TMEM184C: variants seen among roughly 807,000 people sequenced by gnomAD.
TMEM184C encodes the protein transmembrane protein 184C.
In TMEM184C, 25 loss-of-function variants were observed where a neutral mutation model predicts 54.5. The observed-to-expected ratio is 0.46, with a 90% CI of 0.33 to 0.64. The LOEUF is 0.64. Ranked by LOEUF, TMEM184C falls within the 30% of genes least tolerant of loss-of-function variation. The pLI is 0.02. For missense variants in TMEM184C, 335 were observed against 520.3 expected (o/e 0.64, Z 3.46); for synonymous variants, 148 against 181.5 (o/e 0.82, Z 1.49).
At chr4:147,631,297 A>C in intron 6 of TMEM184C, 96 bp from the exon 7 acceptor site, 1 of 905,516 alleles carries the variant, frequency 1.1e-6, no homozygotes, top group Admixed American at 2.9e-5. Context: ...AGTTTGCCTG[A>C]AACATTACTC....
At chr4:147,619,587 A>G (rs1356499354) in intron 1 of TMEM184C, among the ~76,000 whole-genome samples, 1 of 152,228 alleles carries the variant, frequency 6.6e-6, no homozygotes, top group Non-Finnish European at 1.5e-5. Context: ...ATTTGTCTAC[A>G]AAAACTTAGG....
In TMEM184C at chr4:147,634,592, T is replaced by C. The variant is rs749323989; in HGVS notation, c.*158T>C. On this transcript the variant is annotated 3_prime_UTR_variant, in exon 10 of 10. Coordinates refer to ENST00000296582, the MANE Select transcript of TMEM184C (RefSeq NM_018241.3). ...ACTGCATTTATATATGTAAGTTTTG[T>C]ATATCAAAAATAATTGGTCTAAATT... is the stretch of plus-strand genomic sequence containing the variant. The C allele has an allele frequency of 3.7e-5, 28 of 766,568 alleles. No individual in the cohort carries two copies. The highest frequency in any genetic ancestry group is 2.8e-4 in the Admixed American group (9 of 31,852). 47.5% of individuals were successfully genotyped at this position (766,568 alleles called of 1,614,324 possible). A position where few individuals can be genotyped will look rare whatever the true frequency, so the allele number is the denominator to read the frequency against.
intron 6 of TMEM184C, among the ~76,000 whole-genome samples, chr4:147,630,809 C>A (rs1732902783): frequency 6.6e-6 from 1 of 152,012 alleles, no homozygotes; most frequent in Non-Finnish European, 1.5e-5. Flanking sequence ...GAATAGTGAA[C>A]TTTCAGGAAA....
chr4:147,621,642 C>T (rs572533759), intron 1 of TMEM184C, among the ~76,000 whole-genome samples: 190 of 152,146 alleles, frequency 1.2e-3, no homozygotes, highest in Non-Finnish European at 2.3e-3. Context: ...TTTTATATAG[C>T]TCAAAAATCA....
chr4:147,626,122 A>G (rs1478529997), intron 4 of TMEM184C, among the ~76,000 whole-genome samples: 1 of 152,162 alleles, frequency 6.6e-6, no homozygotes, highest in Non-Finnish European at 1.5e-5. Flanking sequence ...AAATATCACA[A>G]GCACTGATCT....
At position 147,634,236 on chromosome 4, in the gene TMEM184C, A is replaced by G. The variant is rs1732970170; in HGVS notation, c.1119A>G (p.Thr373=). The G allele has an allele frequency of 6.2e-7, 1 of 1,614,016 alleles. No individual in the cohort carries two copies. Among genetic ancestry groups the G allele is most frequent in the Non-Finnish European group, 8.5e-7 (1 of 1,180,038 alleles). ...FPEDQDQNEH[T]SLLSSSSQDA... ...AGGATCAAGATCAAAATGAACATAC[A>G]AGTTTATTATCATCATCATCACAAG... The change falls in exon 10 of 10, where the codon ACA becomes ACG. Residue 373 remains threonine, a synonymous_variant. Transcript: ENST00000296582.
chr4:147,628,289 T>G (rs538594594), intron 4 of TMEM184C, 72 bp from the exon 5 acceptor site: 2 of 1,199,740 alleles, frequency 1.7e-6, no homozygotes, highest in Admixed American at 4.3e-5. Flanking sequence ...TGATTTTAAT[T>G]TGGAGGCTTT....
intron 1 of TMEM184C, among the ~76,000 whole-genome samples, chr4:147,621,093 A>G (rs1732700281): frequency 1.3e-5 from 2 of 151,904 alleles, no homozygotes; most frequent in Admixed American, 1.3e-4. Flanking sequence ...TGTTTAAACT[A>G]TTTTTCCCAC....
In TMEM184C at chr4:147,634,564, A is replaced by G. The variant is rs1732978496; in HGVS notation, c.*130A>G. 2 of 1,006,594 alleles carry G rather than the reference A, an allele frequency of 2.0e-6. No individual in the cohort carries two copies. Among genetic ancestry groups the G allele is most frequent in the Non-Finnish European group, 2.9e-6 (2 of 693,584 alleles). The allele number at this position is 1,006,594 out of a possible 1,614,324, so 62.4% of individuals were successfully genotyped here. A position where few individuals can be genotyped will look rare whatever the true frequency, so the allele number is the denominator to read the frequency against. ...CAAAAATAGCTGAAAGCCAGGTACA[A>G]CTACTGCATTTATATATGTAAGTTT... On this transcript the variant is annotated 3_prime_UTR_variant, in exon 10 of 10. Transcript: ENST00000296582.
chr4:147,635,621 C>T lies in TMEM184C; in HGVS notation c.*1187C>T, dbSNP rs1403490710. On this transcript the variant is annotated 3_prime_UTR_variant, in exon 10 of 10. Coordinates refer to ENST00000296582, the MANE Select transcript of TMEM184C (RefSeq NM_018241.3). ...TATTTATACACATACTCATTCATAT[C>T]TATCTATATATATAGAGAGAGATAG... 3 of 152,128 alleles carry T rather than the reference C, an allele frequency of 2.0e-5. No homozygotes were observed. Among genetic ancestry groups the T allele is most frequent in the Non-Finnish European group, 4.4e-5 (3 of 67,996 alleles). The allele number at this position is 152,128 out of a possible 1,614,324, so 9.4% of individuals were successfully genotyped here. A position where few individuals can be genotyped will look rare whatever the true frequency, so the allele number is the denominator to read the frequency against.
intron 1 of TMEM184C, among the ~76,000 whole-genome samples, chr4:147,621,985 CTTTCTTT>C: frequency 1.9e-5 from 1 of 53,268 alleles, no homozygotes; most frequent in African/African-American, 4.4e-5. Context: ...TTCTTTTTTT[CTTTCTTT>C]TTTTTTTTTT....
At chr4:147,624,140 TTGA>T (rs752824184) in intron 3 of TMEM184C, 42 bp downstream of exon 3, 24 of 1,493,166 alleles carry the variant, frequency 1.6e-5, no homozygotes, top group Admixed American at 5.3e-5. Flanking sequence ...AAGGACTTGT[TTGA>T]TGATACTATA....
intron 8 of TMEM184C, 26 bp downstream of exon 8, chr4:147,633,028 A>G (rs1732944148): frequency 6.3e-7 from 1 of 1,584,242 alleles, no homozygotes; most frequent in East Asian, 2.2e-5. Flanking sequence ...TCTGAATTCA[A>G]TAGAACTTTA....
intron 1 of TMEM184C, among the ~76,000 whole-genome samples, chr4:147,622,733 C>A (rs958642357): frequency 1.3e-5 from 2 of 152,142 alleles, no homozygotes; most frequent in African/African-American, 4.8e-5. Flanking sequence ...TTAACGCCCC[C>A]ACAATCAGTA....
chr4:147,634,091 G>T (rs1314016384), intron 9 of TMEM184C, 78 bp from the exon 10 acceptor site: 4 of 1,541,698 alleles, frequency 2.6e-6, no homozygotes, highest in African/African-American at 1.4e-5. Context: ...AGAGGGGGAA[G>T]TGGGGAGCTT....
chr4:147,634,654 T>A lies in TMEM184C; in HGVS notation c.*220T>A. 1 of 508,046 alleles carries A rather than the reference T, an allele frequency of 2.0e-6. No individual in the cohort carries two copies. The highest frequency in any genetic ancestry group is 3.2e-5 in the East Asian group (1 of 31,144). The allele number at this position is 508,046 out of a possible 1,614,324, so 31.5% of individuals were successfully genotyped here. ...GACTTGATTTCTTAACATTAGGGTA[T>A]CGCATACTCAAATGGTAGACAATGA... On this transcript the variant is annotated 3_prime_UTR_variant, in exon 10 of 10. Coordinates refer to ENST00000296582, the MANE Select transcript of TMEM184C (RefSeq NM_018241.3).
At chr4:147,632,369 A>G (rs1732933406) in intron 7 of TMEM184C, among the ~76,000 whole-genome samples, 1 of 152,188 alleles carries the variant, frequency 6.6e-6, no homozygotes, top group African/African-American at 2.4e-5. Flanking sequence ...GTTTCATACT[A>G]TAAAAATTTT....
chr4:147,617,857 G>A lies in TMEM184C; in HGVS notation c.-100G>A, dbSNP rs1269835521. 4.5e-6 allele frequency: 7 copies of A among 1,553,924 alleles called. No individual in the cohort carries two copies. In the South Asian group the frequency reaches 6.8e-5, roughly 15 times the overall value. ...AAAGTCGCCCGACAGCTTTTTCTCCGTAGTATGCGAGTTGACAAAACAGCC... is the reference window on the plus strand; with the variant it reads ...AAAGTCGCCCGACAGCTTTTTCTCCATAGTATGCGAGTTGACAAAACAGCC... On this transcript the variant is annotated 5_prime_UTR_variant, in exon 1 of 10. Coordinates refer to ENST00000296582, the MANE Select transcript of TMEM184C (RefSeq NM_018241.3).
intron 6 of TMEM184C, 31 bp from the exon 7 acceptor site, chr4:147,631,362 G>A: frequency 3.4e-6 from 5 of 1,479,120 alleles, no homozygotes; most frequent in Non-Finnish European, 4.6e-6. Flanking sequence ...ATCTATTACT[G>A]AACAAGTTTA....
Sources: allele counts gnomAD v4.1 joint callset (sites outside exome capture counted in the v4.1 genomes callset), GRCh38; gene constraint gnomAD v4.1.1; transcripts MANE v1.5; gene names NCBI Gene and HGNC (gene_info 2026-07-23, HGNC 2026-07-21).